The following SLC6A3 variants were observed in gnomAD, a reference collection of about 807,000 sequenced individuals.
The protein encoded by SLC6A3 is sodium-dependent dopamine transporter.
A neutral mutation model predicts 70.4 loss-of-function variants in SLC6A3; 19 were observed. That is an observed-to-expected ratio of 0.27 (90% CI 0.19 to 0.40). SLC6A3 has a LOEUF of 0.40. SLC6A3 is among the 10% of genes least tolerant of loss of function. The pLI is 1.00. For missense variants in SLC6A3, 613 were observed against 838.5 expected (o/e 0.73, Z 3.32); for synonymous variants, 368 against 356.6 (o/e 1.03, Z -0.36).
chr5:1,441,078 T>C (rs537509706), intron 3 of SLC6A3, among the ~76,000 whole-genome samples: 7 of 152,370 alleles, frequency 4.6e-5, no homozygotes, highest in African/African-American at 1.7e-4. Flanking sequence ...GGCAGATCCA[T>C]AGATAGACAT....
In SLC6A3 at chr5:1,411,309, G is replaced by A; in HGVS notation, c.1203C>T (p.Leu401=). The A allele has an allele frequency of 3.2e-6, 5 of 1,554,602 alleles. No homozygotes were observed. Among genetic ancestry groups the A allele is most frequent in the Non-Finnish European group, 3.5e-6 (4 of 1,148,958 alleles). The change falls in exon 9 of 15, where the codon CTC becomes CTT. Residue 401 remains leucine (L), a synonymous_variant. Transcript: ENST00000270349. The surrounding 1 kb of genome is among the most constrained non-coding windows in gnomAD (Gnocchi z 6.5). The stretch of plus-strand genomic sequence containing the variant: ...CCACGGCCCAGGCTGAGGACAGAGG[G>A]AGCGTGGCGATGGCTTCCGGGTAGA... The part of the protein sequence containing the change: ...FIIYPEAIAT[L]PLSSAWAVVF...
At position 1,411,070 on chromosome 5, in the gene SLC6A3, C is replaced by T. The variant is rs572580979; in HGVS notation, c.1269+173G>A. On this transcript the variant is annotated intron_variant, in intron 9 of 14. Transcript: ENST00000270349. This position sits in a 1 kb window ranked among gnomAD's most constrained non-coding sequence, Gnocchi z 6.5. ...GGTAAACTCCAGTCACCACTCACTC[C>T]AGCCCCGAGAAAGGTCTCCCAAATA... 7.9e-5 allele frequency among the ~76,000 whole-genome samples: 12 copies of T among 152,248 alleles called. No homozygotes were observed. Among genetic ancestry groups the T allele is most frequent in the African/African-American group, 2.4e-4 (10 of 41,554 alleles).
chr5:1,410,364 G>A (rs1756087007), intron 9 of SLC6A3, among the ~76,000 whole-genome samples: 1 of 152,114 alleles, frequency 6.6e-6, no homozygotes, highest in African/African-American at 2.4e-5. Flanking sequence ...CCCTCTTCAT[G>A]CTCTCATGTC....
intron 14 of SLC6A3, among the ~76,000 whole-genome samples, chr5:1,400,272 T>C (rs974027569): frequency 3.3e-5 from 5 of 152,176 alleles, no homozygotes; most frequent in Non-Finnish European, 5.9e-5. Flanking sequence ...TCTCTGGGTC[T>C]CAGGGACCCT....
In SLC6A3 at chr5:1,413,947, C is replaced by T. The variant is rs892952388; in HGVS notation, c.1156+744G>A. Among the ~76,000 whole-genome samples the T allele has an allele frequency of 1.3e-5, 2 of 152,186 alleles. No homozygotes were observed. The highest frequency in any genetic ancestry group is 6.5e-5 in the Admixed American group (1 of 15,282). On this transcript the variant is annotated intron_variant, in intron 8 of 14. Coordinates refer to ENST00000270349, the MANE Select transcript of SLC6A3 (RefSeq NM_001044.5). This position sits in a 1 kb window ranked among gnomAD's most constrained non-coding sequence, Gnocchi z 7.1. ...GCACACTTCTTGCTGTGGCCAAGGC[C>T]TCCCCCCACCACTCACCTGTGCCTG... is the stretch of plus-strand genomic sequence containing the variant.
chr5:1,441,398 C>T lies in SLC6A3; in HGVS notation c.379G>A (p.Gly127Arg), dbSNP rs1411494113. The change falls in exon 3 of 15, where the codon GGG (glycine) becomes AGG (arginine). Residue 127 changes from glycine (G) to arginine (R), a missense_variant. Physicochemically the swap from Gly to Arg is moderately radical, Grantham distance 125. Around this residue, in one of 4 missense-constraint regions of SLC6A3, gnomAD observed 153 missense variants for 249.4 expected, o/e 0.61. Transcript: ENST00000270349. Reference protein sequence around the residue: ...ELALGQFNREGAAGVWKICPI... With the variant: ...ELALGQFNRERAAGVWKICPI... ...CAGATCTTCCAGACACCAGCGGCCC[C>T]TTCCCTGTTGAACTGGCCGAGGGCC... 6.2e-7 allele frequency: 1 copy of T among 1,614,254 alleles called. No homozygotes were observed. Among genetic ancestry groups the T allele is most frequent in the Non-Finnish European group, 8.5e-7 (1 of 1,180,036 alleles).
intron 3 of SLC6A3, among the ~76,000 whole-genome samples, chr5:1,440,068 C>A (rs1235754705): frequency 6.6e-6 from 1 of 152,122 alleles, no homozygotes; most frequent in Non-Finnish European, 1.5e-5. Flanking sequence ...TTTCATGGTG[C>A]CAGAGCAGGA....
chr5:1,405,737 G>A lies in SLC6A3; in HGVS notation c.1599+451C>T, dbSNP rs1310063188. Among the ~76,000 whole-genome samples, 1 of 152,286 alleles carries A rather than the reference G, an allele frequency of 6.6e-6. No homozygotes were observed. The highest frequency in any genetic ancestry group is 1.5e-5 in the Non-Finnish European group (1 of 68,050). On this transcript the variant is annotated intron_variant, in intron 12 of 14. Coordinates refer to ENST00000270349, the MANE Select transcript of SLC6A3 (RefSeq NM_001044.5). The surrounding 1 kb of genome is among the most constrained non-coding windows in gnomAD (Gnocchi z 5.3). ...AGTGCCTACTGGACACAGTGATGCTGCTGAGCCAGAGGGAGGCTTGCGTGA... is the reference window on the plus strand; with the variant it reads ...AGTGCCTACTGGACACAGTGATGCTACTGAGCCAGAGGGAGGCTTGCGTGA...
At chr5:1,419,259 C>T (rs577810436) in intron 6 of SLC6A3, among the ~76,000 whole-genome samples, 7 of 151,672 alleles carry the variant, frequency 4.6e-5, no homozygotes, top group African/African-American at 1.7e-4. Context: ...TCCACCCATC[C>T]TATCTATCCA....
chr5:1,401,025 G>A lies in SLC6A3; in HGVS notation c.1768-39C>T, dbSNP rs28363148. On this transcript the variant is annotated intron_variant, in intron 13 of 14. Coordinates refer to ENST00000270349, the MANE Select transcript of SLC6A3 (RefSeq NM_001044.5). The surrounding 1 kb of genome is among the most constrained non-coding windows in gnomAD (Gnocchi z 6.1). Reference sequence around the variant, plus strand: ...AGAGTGCAGGGGTCAGTGCAGACCAGTACCCACTGCCAGCACCCACCACTG... The same window carrying A: ...AGAGTGCAGGGGTCAGTGCAGACCAATACCCACTGCCAGCACCCACCACTG... The A allele has an allele frequency of 3.5e-5, 51 of 1,475,640 alleles. No homozygotes were observed. In the East Asian group the frequency reaches 1.1e-3, roughly 31 times the overall value. The allele number at this position is 1,475,640 out of a possible 1,614,324, so 91.4% of individuals were successfully genotyped here.
At position 1,413,851 on chromosome 5, in the gene SLC6A3, G is replaced by C. The variant is rs375182045; in HGVS notation, c.1156+840C>G. On this transcript the variant is annotated intron_variant, in intron 8 of 14. Transcript: ENST00000270349. This position sits in a 1 kb window ranked among gnomAD's most constrained non-coding sequence, Gnocchi z 7.1. ...CACTGCAAGCACCGGAGCCAGGCAC[G>C]TGGCCCCAAGTGCCTGGGCCCACTC... Among the ~76,000 whole-genome samples the C allele has an allele frequency of 1.3e-5, 2 of 152,230 alleles. No homozygotes were observed. Among genetic ancestry groups the C allele is most frequent in the African/African-American group, 4.8e-5 (2 of 41,558 alleles).
Position 1,395,629 on chromosome 5 carries a change from A to T in SLC6A3, c.1840-871T>A, listed in dbSNP as rs550109559. Among the ~76,000 whole-genome samples, 5 of 152,296 alleles carry T rather than the reference A, an allele frequency of 3.3e-5. No individual in the cohort carries two copies. The East Asian group carries it at 9.7e-4, about 29-fold the overall frequency. ...GCTGATGCCGGCACAGGCAGCATCC[A>T]GGTGCAGCTCGGGGCTCAGTGAAGG... On this transcript the variant is annotated intron_variant, in intron 14 of 14. Transcript: ENST00000270349.
At position 1,414,422 on chromosome 5, in the gene SLC6A3, G is replaced by A. The variant is rs60553822; in HGVS notation, c.1156+269C>T. On this transcript the variant is annotated intron_variant, in intron 8 of 14. Coordinates refer to ENST00000270349, the MANE Select transcript of SLC6A3 (RefSeq NM_001044.5). ...GTGGGGGGGCCTGGAGGGGCAGGGC[G>A]GAGAAGGCACTGGGTGGGGGGCCGG... is the stretch of plus-strand genomic sequence containing the variant. Among the ~76,000 whole-genome samples, 2,043 of 26,410 alleles carry A rather than the reference G, an allele frequency of 0.077. 58 individuals carry two copies. The highest frequency in any genetic ancestry group is 0.2 in the African/African-American group (1,448 of 7,210). The allele number at this position is 26,410 out of a possible 152,430, so 17.3% of individuals were successfully genotyped here. A position where few individuals can be genotyped will look rare whatever the true frequency, so the allele number is the denominator to read the frequency against.
chr5:1,433,930 C>T (rs1459419680), intron 3 of SLC6A3, among the ~76,000 whole-genome samples: 1 of 152,124 alleles, frequency 6.6e-6, no homozygotes, highest in African/African-American at 2.4e-5. Context: ...CAAAACCATC[C>T]ACAGCCATCT....
Position 1,397,640 on chromosome 5 carries a change from T to C in SLC6A3, c.1840-2882A>G, listed in dbSNP as rs1394436409. 6.6e-6 allele frequency among the ~76,000 whole-genome samples: 1 copy of C among 152,132 alleles called. No individual in the cohort carries two copies. Among genetic ancestry groups the C allele is most frequent in the Non-Finnish European group, 1.5e-5 (1 of 68,016 alleles). On this transcript the variant is annotated intron_variant, in intron 14 of 14. Coordinates refer to ENST00000270349, the MANE Select transcript of SLC6A3 (RefSeq NM_001044.5). This position sits in a 1 kb window ranked among gnomAD's most constrained non-coding sequence, Gnocchi z 4.7. ...AACGCAGAGATAGTCCCTGTCAGCC[T>C]AGAGCCCTGAGCCCACAACAGTGCT...
chr5:1,434,992 C>T (rs527730697), intron 3 of SLC6A3, among the ~76,000 whole-genome samples: 1 of 152,212 alleles, frequency 6.6e-6, no homozygotes, highest in Non-Finnish European at 1.5e-5. Flanking sequence ...AAGGTCTTCT[C>T]CTATGTGGAT....
chr5:1,403,198 G>A (rs1340269677), intron 12 of SLC6A3, 109 bp from the exon 13 acceptor site: 2 of 1,288,230 alleles, frequency 1.6e-6, no homozygotes, highest in East Asian at 2.5e-5. Context: ...CCCCACAGCT[G>A]TGCAGGTGCA....
intron 3 of SLC6A3, among the ~76,000 whole-genome samples, chr5:1,439,711 C>T (rs571651244): frequency 6.4e-4 from 97 of 152,368 alleles, no homozygotes; most frequent in African/African-American, 2.3e-3. Context: ...CAGAGGCTGA[C>T]CTTCTAGTAG....
At chr5:1,395,562 C>A (rs1033795258) in intron 14 of SLC6A3, among the ~76,000 whole-genome samples, 17 of 152,282 alleles carry the variant, frequency 1.1e-4, no homozygotes, top group African/African-American at 3.1e-4. Context: ...GGTGGGATCA[C>A]ACTGCAGGCC....
Sources: allele counts gnomAD v4.1 joint callset (sites outside exome capture counted in the v4.1 genomes callset), GRCh38; gene constraint gnomAD v4.1.1; regional missense constraint gnomAD v4.1.1; non-coding constraint Gnocchi (gnomAD v3.1); transcripts MANE v1.5; gene names NCBI Gene and HGNC (gene_info 2026-07-23, HGNC 2026-07-21).